LYPD5: variants seen among roughly 807,000 people sequenced by gnomAD.
The protein encoded by LYPD5 is LY6/PLAUR domain containing 5, also known as ly6/PLAUR domain-containing protein 5.
Under a neutral mutation model 19.1 loss-of-function variants are expected in LYPD5, and 21 were observed. The observed-to-expected ratio is 1.10, with a 90% CI of 0.78 to 1.58. The LOEUF (loss-of-function observed/expected upper bound fraction) is 1.58. Ranked by LOEUF, LYPD5 falls within the 40% of genes most tolerant of loss-of-function variation. The pLI is 0.00. For synonymous variants in LYPD5, 128 were observed against 142.7 expected (o/e 0.90, Z 0.74); for missense variants, 287 against 329.8 (o/e 0.87, Z 1.00).
At chr19:43,811,282 G>GAAA in intron 1 of LYPD5, among the ~76,000 whole-genome samples, 1 of 149,588 alleles carries the variant, frequency 6.7e-6, no homozygotes, top group South Asian at 2.1e-4. Flanking sequence ...GAGATTGAGG[G>GAAA]AAAAAAAAAT....
intron 1 of LYPD5, among the ~76,000 whole-genome samples, chr19:43,807,897 G>C (rs149069825): frequency 6.6e-6 from 1 of 152,180 alleles, no homozygotes; most frequent in African/African-American, 2.4e-5. Flanking sequence ...AAGAGATCTT[G>C]GTGGCAAATC....
In LYPD5 at chr19:43,797,514, A is replaced by G. The variant is rs1599691758; in HGVS notation, c.*77T>C. 8.7e-7 allele frequency: 1 copy of G among 1,143,606 alleles called. No individual in the cohort carries two copies. The highest frequency in any genetic ancestry group is 1.3e-6 in the Non-Finnish European group (1 of 794,198). 70.8% of individuals were successfully genotyped at this position (1,143,606 alleles called of 1,614,324 possible). Reference sequence around the variant, plus strand: ...AATTCTTACTTTAACATCATTTTCCAGTGAGCTATGTGATAGGGGCTGAAG... The same window carrying G: ...AATTCTTACTTTAACATCATTTTCCGGTGAGCTATGTGATAGGGGCTGAAG... On this transcript the variant is annotated 3_prime_UTR_variant, in exon 5 of 5. Transcript: ENST00000377950.
At chr19:43,818,856 A>G (rs753738433) in intron 1 of LYPD5, among the ~76,000 whole-genome samples, 21 of 152,236 alleles carry the variant, frequency 1.4e-4, no homozygotes, top group Non-Finnish European at 2.9e-5. Context: ...TTTAAATTCT[A>G]AACTACTGAT....
intron 1 of LYPD5, among the ~76,000 whole-genome samples, chr19:43,819,603 C>A (rs1055576990): frequency 6.6e-6 from 1 of 151,902 alleles, no homozygotes; most frequent in African/African-American, 2.4e-5. Context: ...CCCCTAGACC[C>A]CCGTTGGAAA....
At chr19:43,816,205 T>C (rs1970375349) in intron 1 of LYPD5, among the ~76,000 whole-genome samples, 1 of 152,200 alleles carries the variant, frequency 6.6e-6, no homozygotes, top group Non-Finnish European at 1.5e-5. Flanking sequence ...CTATGGCATG[T>C]CCCAGATGAT....
chr19:43,815,214 A>G (rs1257571592), intron 1 of LYPD5, among the ~76,000 whole-genome samples: 1 of 152,190 alleles, frequency 6.6e-6, no homozygotes, highest in African/African-American at 2.4e-5. Flanking sequence ...AGTCAGAACA[A>G]AATTCCAGGC....
chr19:43,813,741 G>A (rs748316014), intron 1 of LYPD5, among the ~76,000 whole-genome samples: 26 of 152,154 alleles, frequency 1.7e-4, no homozygotes, highest in Non-Finnish European at 2.6e-4. Flanking sequence ...AGGCTGGAGC[G>A]CAGTGGTGCA....
At chr19:43,805,800 A>G (rs1970266278), upstream of LYPD5, among the ~76,000 whole-genome samples, 1 of 152,090 alleles carries the variant, frequency 6.6e-6, no homozygotes, top group South Asian at 2.1e-4. Context: ...GAACCACCAC[A>G]CCTGGCCTCT....
intron 1 of LYPD5, among the ~76,000 whole-genome samples, chr19:43,801,487 C>G (rs1286699421): frequency 2.6e-5 from 4 of 152,090 alleles, no homozygotes; most frequent in Non-Finnish European, 5.9e-5. Context: ...GGCGACAGAG[C>G]AAGACCCTGT....
intron 1 of LYPD5, among the ~76,000 whole-genome samples, chr19:43,818,394 C>G (rs552892333): frequency 6.6e-6 from 1 of 152,162 alleles, no homozygotes; most frequent in South Asian, 2.1e-4. Flanking sequence ...ACTGAGCTGG[C>G]CACTGCTTGC....
Position 43,802,330 on chromosome 19 carries a change from C to T in LYPD5, c.51G>A (p.Ala17=), listed in dbSNP as rs11879355. Reference sequence around the variant, plus strand: ...AAGTTTGCGTACCTGTCAGGCAGAGCGCAGCCCCAAAGAGGCAGAGCAGAA... The same window carrying T: ...AAGTTTGCGTACCTGTCAGGCAGAGTGCAGCCCCAAAGAGGCAGAGCAGAA... ...RVILLCLFGA[A]LCLTGSQALQ... The change falls in exon 1 of 5, where the codon GCG becomes GCA. Residue 17 remains alanine (A), a synonymous_variant. Coordinates refer to ENST00000377950, the MANE Select transcript of LYPD5 (RefSeq NM_001031749.3). 0.35 allele frequency: 539,159 copies of T among 1,550,734 alleles called. 97,995 individuals carry two copies. Among genetic ancestry groups the T allele is most frequent in the Non-Finnish European group, 0.38 (437,910 of 1,146,372 alleles).
chr19:43,818,421 T>C (rs1033916027), intron 1 of LYPD5, among the ~76,000 whole-genome samples: 6 of 152,212 alleles, frequency 3.9e-5, no homozygotes, highest in Non-Finnish European at 8.8e-5. Context: ...GTGTAATTGA[T>C]TGTTTAATTT....
In LYPD5 at chr19:43,797,368, G is replaced by T; in HGVS notation, c.*223C>A. ...TCAGAATTGCTCTTCATCGGGGCAC[G>T]ACATGGCTGTTTTGCCCTCCCCGGG... On this transcript the variant is annotated 3_prime_UTR_variant, in exon 5 of 5. Transcript: ENST00000377950. 3 of 539,342 alleles carry T rather than the reference G, an allele frequency of 5.6e-6. No homozygotes were observed. In the East Asian group the frequency reaches 9.1e-5, roughly 16 times the overall value. The allele number at this position is 539,342 out of a possible 1,614,324, so 33.4% of individuals were successfully genotyped here. A position where few individuals can be genotyped will look rare whatever the true frequency, so the allele number is the denominator to read the frequency against.
upstream of LYPD5, among the ~76,000 whole-genome samples, chr19:43,806,150 A>G (rs774389300): frequency 2.6e-5 from 4 of 152,134 alleles, no homozygotes; most frequent in African/African-American, 4.8e-5. Flanking sequence ...GAGGGAGGGA[A>G]GATTCATCTG....
rs200551100 is a variant in LYPD5 at position 43,798,987 on chromosome 19, C to A, written c.195G>T (p.Gly65=). 6.4e-7 allele frequency: 1 copy of A among 1,566,088 alleles called. No homozygotes were observed. The highest frequency in any genetic ancestry group is 8.7e-7 in the Non-Finnish European group (1 of 1,155,508). The change falls in exon 3 of 5, where the codon GGG becomes GGT. Residue 65 remains glycine (G), a splice_region_variant and synonymous_variant. Transcript: ENST00000377950. ...CFEAILSLDT[G]YRAPVTLVRK... is the part of the protein sequence containing the mutation. Reference sequence around the variant, plus strand: ...GCACCAGGGTCACCGGCGCGCGATACCCTGGGGGCGGGATCGGGGCTCGTG... The same window carrying A: ...GCACCAGGGTCACCGGCGCGCGATAACCTGGGGGCGGGATCGGGGCTCGTG...
At chr19:43,805,972 C>T (rs1410689456), upstream of LYPD5, among the ~76,000 whole-genome samples, 1 of 152,142 alleles carries the variant, frequency 6.6e-6, no homozygotes, top group Non-Finnish European at 1.5e-5. Context: ...CTTTACCCAT[C>T]AAACAACTCC....
At chr19:43,802,737 C>G (rs1026897999), upstream of LYPD5, among the ~76,000 whole-genome samples, 19 of 152,096 alleles carry the variant, frequency 1.2e-4, no homozygotes, top group Non-Finnish European at 2.4e-4. Flanking sequence ...TACCCCAACA[C>G]ACACCACCCA....
At chr19:43,799,906 G>C in intron 1 of LYPD5, 72 bp from the exon 2 acceptor site, 1 of 1,504,318 alleles carries the variant, frequency 6.6e-7, no homozygotes, top group Non-Finnish European at 8.9e-7. Context: ...GCTCCACCCA[G>C]CAAATGACAG....
At position 43,797,386 on chromosome 19, in the gene LYPD5, T is replaced by G. The variant is rs972734306; in HGVS notation, c.*205A>C. On this transcript the variant is annotated 3_prime_UTR_variant, in exon 5 of 5. Coordinates refer to ENST00000377950, the MANE Select transcript of LYPD5 (RefSeq NM_001031749.3). ...GGGGCACGACATGGCTGTTTTGCCCTCCCCGGGGATGCTGGTGACTGTGTC... is the reference window on the plus strand; with the variant it reads ...GGGGCACGACATGGCTGTTTTGCCCGCCCCGGGGATGCTGGTGACTGTGTC... The G allele has an allele frequency of 1.1e-5, 6 of 555,180 alleles. No individual in the cohort carries two copies. The highest frequency in any genetic ancestry group is 9.8e-5 in the Admixed American group (3 of 30,498). 34.4% of individuals were successfully genotyped at this position (555,180 alleles called of 1,614,324 possible). A position where few individuals can be genotyped will look rare whatever the true frequency, so the allele number is the denominator to read the frequency against.
Sources: gnomAD v4.1 joint callset for allele counts (sites outside exome capture counted in the v4.1 genomes callset) on GRCh38, gnomAD v4.1.1 for gene constraint, MANE v1.5 for transcripts, NCBI Gene and HGNC (gene_info 2026-07-23, HGNC 2026-07-21) for gene names.